CELF2: variants seen among roughly 807,000 people sequenced by gnomAD.
CELF2 encodes CUG triplet repeat RNA-binding protein 2.
CELF2 carries 8 observed loss-of-function variants against 62.6 expected under a neutral mutation model. The observed-to-expected ratio is 0.13, with a 90% CI of 0.07 to 0.23. The LOEUF is 0.23. Among genes scored for constraint, CELF2 ranks in the 10% least tolerant of loss-of-function variants. The probability of loss-of-function intolerance (pLI) is 1.00; values close to 1 mark genes in which losing one functional copy is unlikely to be tolerated. For synonymous variants in CELF2, 258 were observed against 250.0 expected, an observed-to-expected ratio of 1.03 and a Z score of -0.30; for missense variants, 333 against 671.0, an observed-to-expected ratio of 0.50 and a Z score of 5.56.
chr10:10,499,734 C>A, the CELF2 span, among the ~76,000 whole-genome samples: 2 of 152,038 alleles, frequency 1.3e-5, no homozygotes. Flanking sequence ...AAAAATTAGC[C>A]GGGCGTGGTG....
intron 2 of CELF2, among the ~76,000 whole-genome samples, chr10:11,168,074 C>G (rs2067759608): frequency 6.6e-6 from 1 of 152,050 alleles, no homozygotes; most frequent in African/African-American, 2.4e-5. Flanking sequence ...CTTAAGTGTT[C>G]CCCAAGTGAA....
intron 1 of CELF2, among the ~76,000 whole-genome samples, chr10:11,161,331 A>T (rs1020390455): frequency 6.6e-6 from 1 of 152,216 alleles, no homozygotes; most frequent in African/African-American, 2.4e-5. Flanking sequence ...ATTGGCACTC[A>T]GGATCTCATT....
chr10:10,688,919 G>A, the CELF2 span, among the ~76,000 whole-genome samples: 1 of 152,004 alleles, frequency 6.6e-6, no homozygotes, highest in Non-Finnish European at 1.5e-5. Flanking sequence ...CAGGAGAATT[G>A]CTTGAGCCCA....
intron 1 of CELF2, among the ~76,000 whole-genome samples, chr10:10,861,999 C>G (rs186546014): frequency 3.5e-4 from 53 of 152,170 alleles, no homozygotes; most frequent in African/African-American, 1.2e-3. Context: ...AGACAAGGTT[C>G]TTGGGGGCAT....
intron 9 of CELF2, among the ~76,000 whole-genome samples, chr10:11,310,945 A>C (rs1201477182): frequency 6.6e-6 from 1 of 152,226 alleles, no homozygotes; most frequent in Non-Finnish European, 1.5e-5. Context: ...AAGGGGTAGC[A>C]TATTGAAGGT....
At chr10:10,580,061 A>G in the CELF2 span, among the ~76,000 whole-genome samples, 2 of 152,216 alleles carry the variant, frequency 1.3e-5, no homozygotes, top group African/African-American at 4.8e-5. Flanking sequence ...CACAGTAATA[A>G]TAGTGATGAT....
At chr10:10,979,100 C>T (rs2051728575) in intron 2 of CELF2, among the ~76,000 whole-genome samples, 1 of 152,096 alleles carries the variant, frequency 6.6e-6, no homozygotes, top group Admixed American at 6.5e-5. Flanking sequence ...CCAGGTTTGG[C>T]CACCATTTTC....
Position 11,328,662 on chromosome 10 carries a change from A to G in CELF2, c.1439-264A>G, listed in dbSNP as rs1193168457. The stretch of plus-strand genomic sequence containing the variant: ...GGAACTGAATTCAGCCAAACAATTG[A>G]GTCTGAGGTTTCAGTGTTGTGGGGA... On this transcript the variant is annotated intron_variant, in intron 12 of 12. Coordinates refer to ENST00000633077, the MANE Select transcript of CELF2 (RefSeq NM_001326342.2). This position sits in a 1 kb window ranked among gnomAD's most constrained non-coding sequence, Gnocchi z 6.4. 1.3e-5 allele frequency among the ~76,000 whole-genome samples: 2 copies of G among 152,256 alleles called. No individual in the cohort carries two copies. Among genetic ancestry groups the G allele is most frequent in the African/African-American group, 4.8e-5 (2 of 41,474 alleles).
At chr10:10,933,404 A>C (rs2066296655) in intron 2 of CELF2, among the ~76,000 whole-genome samples, 1 of 152,212 alleles carries the variant, frequency 6.6e-6, no homozygotes, top group African/African-American at 2.4e-5. Context: ...GGTATTTAGC[A>C]TATCTGTCAT....
At chr10:11,293,124 C>T (rs570237292) in intron 9 of CELF2, among the ~76,000 whole-genome samples, 1 of 152,228 alleles carries the variant, frequency 6.6e-6, no homozygotes, top group Non-Finnish European at 1.5e-5. Flanking sequence ...CAGGCCACCC[C>T]CCGTAGCCCA....
chr10:10,534,829 C>A, the CELF2 span, among the ~76,000 whole-genome samples: 7 of 152,206 alleles, frequency 4.6e-5, no homozygotes, highest in East Asian at 1.2e-3. Flanking sequence ...CAGCTTAATC[C>A]CTTTCCCTAG....
rs1472115258 is a variant in CELF2 at position 11,008,504 on chromosome 10, A to G, written c.53+3064A>G. The stretch of plus-strand genomic sequence containing the variant: ...AAGTGAGCATTTGATTAGTATTCAT[A>G]TCTAGAACTTTGTAGCAAGTGCAGA... On this transcript the variant is annotated intron_variant, in intron 1 of 12. Coordinates refer to the CELF2 transcript ENST00000416382. The surrounding 1 kb of genome is among the most constrained non-coding windows in gnomAD (Gnocchi z 4.5). Among the ~76,000 whole-genome samples, 1 of 152,234 alleles carries G rather than the reference A, an allele frequency of 6.6e-6. No homozygotes were observed. The highest frequency in any genetic ancestry group is 2.1e-4 in the South Asian group (1 of 4,832).
the CELF2 span, among the ~76,000 whole-genome samples, chr10:10,723,215 T>G: frequency 6.6e-6 from 1 of 151,966 alleles, no homozygotes; most frequent in East Asian, 1.9e-4. Flanking sequence ...GTGGTGTCGT[T>G]GTTGTTTTAA....
chr10:10,816,343 A>G (rs1302245563), intron 1 of CELF2, among the ~76,000 whole-genome samples: 1 of 152,224 alleles, frequency 6.6e-6, no homozygotes, highest in Non-Finnish European at 1.5e-5. Flanking sequence ...GGGTGACTCT[A>G]GGAGCTGGCT....
chr10:10,507,098 T>A, the CELF2 span, among the ~76,000 whole-genome samples: 2 of 152,168 alleles, frequency 1.3e-5, no homozygotes, highest in African/African-American at 4.8e-5. Flanking sequence ...GTTCACTTCG[T>A]CATTTCAGCG....
At chr10:11,166,919 A>C (rs993286000) in intron 2 of CELF2, among the ~76,000 whole-genome samples, 2 of 152,146 alleles carry the variant, frequency 1.3e-5, no homozygotes, top group African/African-American at 4.8e-5. Context: ...GAAGCCTCTT[A>C]AGGAACTGAA....
chr10:11,209,335 C>T (rs909646370), intron 2 of CELF2, among the ~76,000 whole-genome samples: 1 of 151,880 alleles, frequency 6.6e-6, no homozygotes, highest in Non-Finnish European at 1.5e-5. Flanking sequence ...GAATTCACAC[C>T]AACGGGCCCA....
chr10:11,042,916 T>C (rs1291131659), intron 1 of CELF2, among the ~76,000 whole-genome samples: 1 of 152,216 alleles, frequency 6.6e-6, no homozygotes, highest in Non-Finnish European at 1.5e-5. Context: ...GGTGCCACAA[T>C]TTGTTCCTCA....
Position 11,207,959 on chromosome 10 carries a change from A to G in CELF2, c.272-9466A>G, listed in dbSNP as rs2060840400. Among the ~76,000 whole-genome samples, 1 of 152,196 alleles carries G rather than the reference A, an allele frequency of 6.6e-6. No homozygotes were observed. The highest frequency in any genetic ancestry group is 2.4e-5 in the African/African-American group (1 of 41,446). Reference sequence around the variant, plus strand: ...CAGATGAGAGGTTTAGGTTATAAAGAGACATTTTAGGTGACATGAACAGAG... The same window carrying G: ...CAGATGAGAGGTTTAGGTTATAAAGGGACATTTTAGGTGACATGAACAGAG... On this transcript the variant is annotated intron_variant, in intron 2 of 12. Transcript: ENST00000633077. The surrounding 1 kb of genome is among the most constrained non-coding windows in gnomAD (Gnocchi z 4.1).
Sources: gnomAD v4.1 joint callset for allele counts (sites outside exome capture counted in the v4.1 genomes callset) on GRCh38, gnomAD v4.1.1 for gene constraint, Gnocchi (gnomAD v3.1) non-coding constraint, MANE v1.5 for transcripts, NCBI Gene and HGNC (gene_info 2026-07-23, HGNC 2026-07-21) for gene names.